Variants in NUBPL observed in about 807,000 individuals in gnomAD.
NUBPL encodes the protein iron-sulfur cluster transfer protein NUBPL.
In NUBPL, 31 loss-of-function variants were observed where a neutral mutation model predicts 45.7. That is an observed-to-expected ratio of 0.68 (90% CI 0.51 to 0.92). The LOEUF (loss-of-function observed/expected upper bound fraction) is 0.92. Ranked by LOEUF, NUBPL falls within the 40% of genes least tolerant of loss-of-function variation. The pLI is 0.00. For missense variants in NUBPL, 401 were observed against 398.7 expected (o/e 1.01, Z -0.05); for synonymous variants, 144 against 140.9 (o/e 1.02, Z -0.15).
chr14:31,663,681 C>T (rs1006911732), intron 4 of NUBPL, among the ~76,000 whole-genome samples: 36 of 152,294 alleles, frequency 2.4e-4, no homozygotes, highest in African/African-American at 8.2e-4. Flanking sequence ...ATGATGCCTC[C>T]AGCTTTGTTC....
At chr14:31,847,738 A>G (rs1257005967) in intron 9 of NUBPL, among the ~76,000 whole-genome samples, 1 of 152,226 alleles carries the variant, frequency 6.6e-6, no homozygotes, top group Non-Finnish European at 1.5e-5. Flanking sequence ...GTTATAATTA[A>G]GTTTCTAAAA....
chr14:31,704,585 C>G (rs1044132230), intron 6 of NUBPL, among the ~76,000 whole-genome samples: 3 of 152,064 alleles, frequency 2.0e-5, no homozygotes, highest in Non-Finnish European at 4.4e-5. Flanking sequence ...ATCGCTTGAA[C>G]CTGGGAGGCG....
At chr14:31,591,594 G>T (rs2034144637) in intron 3 of NUBPL, among the ~76,000 whole-genome samples, 1 of 152,064 alleles carries the variant, frequency 6.6e-6, no homozygotes, top group African/African-American at 2.4e-5. Flanking sequence ...GGGAGAAAAT[G>T]GTTGTTAGGA....
At chr14:31,686,977 G>A (rs1355871986) in intron 6 of NUBPL, among the ~76,000 whole-genome samples, 1 of 152,234 alleles carries the variant, frequency 6.6e-6, no homozygotes, top group African/African-American at 2.4e-5. Flanking sequence ...AGCTGGGCAT[G>A]GTTGCATGTA....
At chr14:31,650,786 C>T (rs1367116094) in intron 4 of NUBPL, among the ~76,000 whole-genome samples, 3 of 152,086 alleles carry the variant, frequency 2.0e-5, no homozygotes, top group African/African-American at 7.2e-5. Flanking sequence ...GTATTTGGCT[C>T]ATGATTTTTC....
chr14:31,676,262 A>G (rs2036695363), intron 6 of NUBPL, among the ~76,000 whole-genome samples: 1 of 151,622 alleles, frequency 6.6e-6, no homozygotes, highest in South Asian at 2.1e-4. Flanking sequence ...ACTTCAGGTG[A>G]TCTGCCCGTC....
At chr14:31,845,649 G>A (rs28639476) in intron 8 of NUBPL, 42,860 of 152,680 alleles carry the variant, frequency 0.28, 6,384 homozygotes, top group East Asian at 0.47. Flanking sequence ...CAACAAGAGC[G>A]AAACTCCATC....
intron 6 of NUBPL, among the ~76,000 whole-genome samples, chr14:31,711,842 C>T (rs554296354): frequency 4.3e-4 from 66 of 152,052 alleles, no homozygotes; most frequent in Middle Eastern, 3.4e-3. Flanking sequence ...AAGACCTTCG[C>T]GGTGGGTGTT....
At chr14:31,765,589 G>T (rs966913985) in intron 6 of NUBPL, among the ~76,000 whole-genome samples, 1 of 151,324 alleles carries the variant, frequency 6.6e-6, no homozygotes, top group Admixed American at 6.6e-5. Flanking sequence ...AAAGACATAA[G>T]CTCACAGACA....
chr14:31,663,049 A>G (rs2036313072), intron 4 of NUBPL, among the ~76,000 whole-genome samples: 1 of 152,178 alleles, frequency 6.6e-6, no homozygotes, highest in Non-Finnish European at 1.5e-5. Flanking sequence ...TCTTTTGAGA[A>G]GTGTCTGTTC....
chr14:31,781,468 CTG>C (rs2039190093), intron 6 of NUBPL, among the ~76,000 whole-genome samples: 1 of 152,152 alleles, frequency 6.6e-6, no homozygotes, highest in African/African-American at 2.4e-5. Context: ...CAAGATAAAT[CTG>C]AAACCAGAGA....
chr14:31,749,155 G>A (rs1198999297), intron 6 of NUBPL, among the ~76,000 whole-genome samples: 1 of 152,086 alleles, frequency 6.6e-6, no homozygotes, highest in Admixed American at 6.5e-5. Flanking sequence ...ACTTACTCCT[G>A]TTATATTATT....
At chr14:31,829,368 A>G (rs1240869280) in intron 8 of NUBPL, among the ~76,000 whole-genome samples, 3 of 152,098 alleles carry the variant, frequency 2.0e-5, no homozygotes, top group African/African-American at 7.2e-5. Flanking sequence ...GCAGAACAAG[A>G]TAGGTATTCA....
intron 10 of NUBPL, among the ~76,000 whole-genome samples, chr14:31,854,375 T>C (rs2040585211): frequency 6.6e-6 from 1 of 152,226 alleles, no homozygotes; most frequent in Non-Finnish European, 1.5e-5. Flanking sequence ...TTACATATGA[T>C]ATGTGTGTGT....
intron 7 of NUBPL, among the ~76,000 whole-genome samples, chr14:31,812,139 A>G (rs1296315903): frequency 6.6e-6 from 1 of 152,174 alleles, no homozygotes; most frequent in African/African-American, 2.4e-5. Flanking sequence ...CTCAGAGTTC[A>G]AACACCATGC....
intron 8 of NUBPL, among the ~76,000 whole-genome samples, chr14:31,840,106 T>C (rs1404737354): frequency 6.6e-6 from 1 of 152,186 alleles, no homozygotes; most frequent in Non-Finnish European, 1.5e-5. Context: ...CTGCTGGGAA[T>C]ATATCCAAAG....
At chr14:31,798,083 A>G (rs1048174172) in intron 7 of NUBPL, among the ~76,000 whole-genome samples, 1 of 149,064 alleles carries the variant, frequency 6.7e-6, no homozygotes, top group Non-Finnish European at 1.5e-5. Context: ...TCTGGCTTGT[A>G]GGGTTTCTGC....
At chr14:31,726,962 C>T (rs988851613) in intron 6 of NUBPL, among the ~76,000 whole-genome samples, 4 of 152,018 alleles carry the variant, frequency 2.6e-5, no homozygotes, top group African/African-American at 9.7e-5. Flanking sequence ...GTAGCAACCC[C>T]CACCCCCACT....
intron 6 of NUBPL, among the ~76,000 whole-genome samples, chr14:31,742,896 C>T (rs1339236841): frequency 1.3e-5 from 2 of 152,010 alleles, no homozygotes; most frequent in Admixed American, 6.6e-5. Context: ...CGTGAGCCAC[C>T]GTGCCTGCCA....
Sources: gnomAD v4.1 joint callset for allele counts (sites outside exome capture counted in the v4.1 genomes callset) on GRCh38, gnomAD v4.1.1 for gene constraint, MANE v1.5 for transcripts, NCBI Gene and HGNC (gene_info 2026-07-23, HGNC 2026-07-21) for gene names.